The following CDK14 variants were observed in gnomAD, a reference collection of about 807,000 sequenced individuals.
CDK14 encodes cyclin-dependent kinase 14.
CDK14 carries 34 observed loss-of-function variants against 60.7 expected under a neutral mutation model. That is an observed-to-expected ratio of 0.56 (90% confidence interval 0.43 to 0.75). CDK14 has a LOEUF of 0.75. Among genes scored for constraint, CDK14 ranks in the 30% least tolerant of loss-of-function variants. The pLI is 0.00. For synonymous variants in CDK14, 197 were observed against 203.7 expected, an observed-to-expected ratio of 0.97 and a Z score of 0.28; for missense variants, 482 against 564.1, an observed-to-expected ratio of 0.85 and a Z score of 1.47.
intron 8 of CDK14, among the ~76,000 whole-genome samples, chr7:90,935,593 A>G (rs1353818025): frequency 6.6e-6 from 1 of 152,220 alleles, no homozygotes; most frequent in Non-Finnish European, 1.5e-5. Context: ...CCTTAATTGC[A>G]TGTATACCTA....
At chr7:90,630,990 T>C (rs1214253517) in intron 2 of CDK14, among the ~76,000 whole-genome samples, 6 of 151,830 alleles carry the variant, frequency 4.0e-5, no homozygotes, top group African/African-American at 7.3e-5. Context: ...ATTTTGGACT[T>C]TATGTTGTTT....
At chr7:90,700,177 A>T (rs4728929) in intron 2 of CDK14, among the ~76,000 whole-genome samples, 125,610 of 152,052 alleles carry the variant, frequency 0.83, 51,978 homozygotes, top group Non-Finnish European at 0.84. Flanking sequence ...CACTGCCACC[A>T]CCGACTCCCT....
intron 11 of CDK14, among the ~76,000 whole-genome samples, chr7:91,065,276 A>C (rs891101946): frequency 1.3e-5 from 2 of 152,220 alleles, no homozygotes; most frequent in Non-Finnish European, 2.9e-5. Context: ...AATTCTGTTC[A>C]GCATTGATGT....
At chr7:90,738,323 A>G (rs1803204160) in intron 3 of CDK14, among the ~76,000 whole-genome samples, 1 of 152,230 alleles carries the variant, frequency 6.6e-6, no homozygotes, top group South Asian at 2.1e-4. Context: ...TATGTAATAC[A>G]TATAAAATGA....
At chr7:90,957,487 A>G (rs1430527198) in intron 9 of CDK14, among the ~76,000 whole-genome samples, 1 of 152,050 alleles carries the variant, frequency 6.6e-6, no homozygotes, top group Non-Finnish European at 1.5e-5. Context: ...TTAAGCTGAT[A>G]AGCAACTTCA....
intron 10 of CDK14, among the ~76,000 whole-genome samples, chr7:91,014,111 ACATT>A (rs1429426309): frequency 3.9e-5 from 6 of 152,182 alleles, no homozygotes; most frequent in Non-Finnish European, 8.8e-5. Context: ...ACCAGAATTC[ACATT>A]CAGTTTATCA....
intron 10 of CDK14, among the ~76,000 whole-genome samples, chr7:90,987,970 G>T (rs1431333188): frequency 6.6e-6 from 1 of 152,052 alleles, no homozygotes; most frequent in African/African-American, 2.4e-5. Context: ...TCATTCATTT[G>T]CCTGTGAACT....
chr7:91,113,713 T>G (rs1269163429), intron 13 of CDK14, among the ~76,000 whole-genome samples: 1 of 152,196 alleles, frequency 6.6e-6, no homozygotes, highest in Non-Finnish European at 1.5e-5. Context: ...ATTTTAGACT[T>G]CTTTCATCCA....
chr7:91,038,627 C>T (rs577980198), intron 10 of CDK14, among the ~76,000 whole-genome samples: 1 of 152,296 alleles, frequency 6.6e-6, no homozygotes, highest in South Asian at 2.1e-4. Flanking sequence ...CACAGATGTC[C>T]AGGCTTTGGA....
intron 6 of CDK14, among the ~76,000 whole-genome samples, chr7:90,890,159 G>A (rs547899052): frequency 6.0e-4 from 92 of 152,354 alleles, no homozygotes; most frequent in African/African-American, 2.0e-3. Flanking sequence ...GATCACCTAA[G>A]ACCAAGAGTT....
chr7:90,794,334 G>A (rs1449594240), intron 5 of CDK14, among the ~76,000 whole-genome samples: 1 of 152,094 alleles, frequency 6.6e-6, no homozygotes, highest in Non-Finnish European at 1.5e-5. Context: ...CAGTGTCGGG[G>A]AGCAGACAAC....
intron 10 of CDK14, among the ~76,000 whole-genome samples, chr7:91,043,959 A>G (rs533530824): frequency 2.3e-4 from 35 of 152,296 alleles, no homozygotes; most frequent in African/African-American, 8.2e-4. Flanking sequence ...GCCCTGTATT[A>G]CCTTATTGCC....
At chr7:90,715,199 G>A (rs1214538351) in intron 2 of CDK14, among the ~76,000 whole-genome samples, 1 of 152,072 alleles carries the variant, frequency 6.6e-6, no homozygotes, top group Non-Finnish European at 1.5e-5. Context: ...AAAGAAGCCA[G>A]GGGTGGTTTA....
At chr7:90,684,988 A>AT (rs35392530) in intron 2 of CDK14, among the ~76,000 whole-genome samples, 10,568 of 144,804 alleles carry the variant, frequency 0.073, 513 homozygotes, top group East Asian at 0.2. Flanking sequence ...TTATGCATAG[A>AT]TTTTTTTTTT....
At chr7:91,139,785 C>T (rs201556203) in intron 14 of CDK14, among the ~76,000 whole-genome samples, 2 of 146,256 alleles carry the variant, frequency 1.4e-5, no homozygotes, top group Non-Finnish European at 3.0e-5. Flanking sequence ...TTTTTTCTTT[C>T]CTTTCTTTCT....
chr7:90,704,801 C>T (rs897476983), intron 2 of CDK14, among the ~76,000 whole-genome samples: 3 of 152,022 alleles, frequency 2.0e-5, no homozygotes, highest in Non-Finnish European at 4.4e-5. Flanking sequence ...CAGATTCCTC[C>T]AGAATTTCAC....
chr7:91,205,247 G>C (rs1802856103), intron 14 of CDK14, among the ~76,000 whole-genome samples: 2 of 152,126 alleles, frequency 1.3e-5, no homozygotes, highest in Admixed American at 1.3e-4. Context: ...AATATTCAGA[G>C]CAGCACTATT....
chr7:91,003,065 C>T (rs59053150), intron 10 of CDK14, among the ~76,000 whole-genome samples: 3,927 of 152,144 alleles, frequency 0.026, 121 homozygotes, highest in African/African-American at 0.077. Flanking sequence ...TGCAAGACTC[C>T]GTCTCAAAAA....
intron 5 of CDK14, among the ~76,000 whole-genome samples, chr7:90,798,827 T>C (rs574495953): frequency 6.6e-6 from 1 of 152,350 alleles, no homozygotes; most frequent in Admixed American, 6.5e-5. Flanking sequence ...CTGTCCTCGA[T>C]GGCAGCTTGG....
Sources: gnomAD v4.1 joint callset for allele counts (sites outside exome capture counted in the v4.1 genomes callset) on GRCh38, gnomAD v4.1.1 for gene constraint, MANE v1.5 for transcripts, NCBI Gene and HGNC (gene_info 2026-07-23, HGNC 2026-07-21) for gene names.